Variants in SYT3 observed in about 807,000 individuals in gnomAD.
SYT3 encodes the protein synaptotagmin 3.
A neutral mutation model predicts 50.6 loss-of-function variants in SYT3; 25 were observed. That is an observed-to-expected ratio of 0.49 (90% confidence interval 0.36 to 0.69). SYT3 has a LOEUF of 0.69. Among genes scored for constraint, SYT3 ranks in the 30% least tolerant of loss-of-function variants. The pLI, the probability that SYT3 is intolerant of heterozygous loss-of-function variation, is 0.00. For synonymous variants in SYT3, 323 were observed against 353.9 expected, an observed-to-expected ratio of 0.91 and a Z score of 0.98; for missense variants, 589 against 793.6, an observed-to-expected ratio of 0.74 and a Z score of 3.10.
the SYT3 span, among the ~76,000 whole-genome samples, chr19:50,647,122 G>A: frequency 8.6e-5 from 13 of 152,020 alleles, no homozygotes; most frequent in African/African-American, 3.1e-4. Flanking sequence ...GAGCCACCGC[G>A]CCTGGCTGCG....
At position 50,632,242 on chromosome 19, in the gene SYT3, A is replaced by G. The variant is rs911127750; in HGVS notation, c.674+44T>C. On this transcript the variant is annotated intron_variant, in intron 4 of 10. Coordinates refer to ENST00000600079, the MANE Select transcript of SYT3 (RefSeq NM_001160329.2). This position sits in a 1 kb window ranked among gnomAD's most constrained non-coding sequence, Gnocchi z 4.7. ...AGATAGGAAAGAGACACAGAGGAGG[A>G]GCAGAAGTTCAGAGTGGACCCCCAA... 2 of 1,509,438 alleles carry G rather than the reference A, an allele frequency of 1.3e-6. No homozygotes were observed. The highest frequency in any genetic ancestry group is 2.8e-5 in the African/African-American group (2 of 71,796). The allele number at this position is 1,509,438 out of a possible 1,614,324, so 93.5% of individuals were successfully genotyped here. A position where few individuals can be genotyped will look rare whatever the true frequency, so the allele number is the denominator to read the frequency against.
At chr19:50,648,770 T>C in the SYT3 span, among the ~76,000 whole-genome samples, 1 of 147,460 alleles carries the variant, frequency 6.8e-6, no homozygotes, top group Non-Finnish European at 1.5e-5. Context: ...CCCACTTTCG[T>C]TGGAATCTCG....
chr19:50,642,425 G>A (rs1335432015), upstream of SYT3, among the ~76,000 whole-genome samples: 1 of 152,270 alleles, frequency 6.6e-6, no homozygotes, highest in African/African-American at 2.4e-5. Context: ...TGGGGGCAGA[G>A]CACTGGGATT....
At chr19:50,656,159 G>A in the SYT3 span, 50 of 1,535,952 alleles carry the variant, frequency 3.3e-5, no homozygotes, top group South Asian at 5.9e-5. Context: ...TCTATCTTCC[G>A]CCTCCCCAAA....
chr19:50,627,200 C>G (rs551522616), intron 6 of SYT3, among the ~76,000 whole-genome samples: 1 of 152,304 alleles, frequency 6.6e-6, no homozygotes, highest in East Asian at 1.9e-4. Flanking sequence ...CTCAGGGCAT[C>G]TGCCCAGGCT....
At position 50,637,667 on chromosome 19, in the gene SYT3, G is replaced by C. The variant is rs562538795; in HGVS notation, c.-15-241C>G. On this transcript the variant is annotated intron_variant, in intron 2 of 10. Transcript: ENST00000600079. This position sits in a 1 kb window ranked among gnomAD's most constrained non-coding sequence, Gnocchi z 4.9. Reference sequence around the variant, plus strand: ...TAGACAGACAAGAGGGCAGAAATTAGGGATGGAGATAGTAGCAGGGACTGG... The same window carrying C: ...TAGACAGACAAGAGGGCAGAAATTACGGATGGAGATAGTAGCAGGGACTGG... 5.1e-5 allele frequency: 22 copies of C among 430,782 alleles called. No individual in the cohort carries two copies. The South Asian group carries it at 7.5e-4, about 15-fold the overall frequency. The allele number at this position is 430,782 out of a possible 1,614,324, so 26.7% of individuals were successfully genotyped here. A position where few individuals can be genotyped will look rare whatever the true frequency, so the allele number is the denominator to read the frequency against.
At chr19:50,649,572 GC>G in the SYT3 span, 1 of 1,510,500 alleles carries the variant, frequency 6.6e-7, no homozygotes, top group South Asian at 1.2e-5. Flanking sequence ...GTGCGTAGTA[GC>G]CCGGGCTCAC....
chr19:50,652,769 A>C, the SYT3 span, among the ~76,000 whole-genome samples: 1 of 152,166 alleles, frequency 6.6e-6, no homozygotes, highest in South Asian at 2.1e-4. Context: ...TCAGGTCTAC[A>C]TGTCAAAATC....
Position 50,632,522 on chromosome 19 carries a change from C to T in SYT3, c.438G>A (p.Leu146=). 6.2e-7 allele frequency: 1 copy of T among 1,608,582 alleles called. No homozygotes were observed. Among genetic ancestry groups the T allele is most frequent in the Admixed American group, 1.7e-5 (1 of 59,596 alleles). ...CAGAACCCCCCAGGCTGCCTGGCTC[C>T]AGCAGCTCAGCAAAGGGTGGATGGT... ...AAHHPPFAEL[L]EPGSLGGSDT... Residue 146 remains leucine (L), a synonymous_variant, in exon 4 of 11, where the codon CTG becomes CTA. Transcript: ENST00000600079. This position sits in a 1 kb window ranked among gnomAD's most constrained non-coding sequence, Gnocchi z 4.7.
Position 50,629,853 on chromosome 19 carries a change from G to C in SYT3, c.993C>G (p.Ser331=). The C allele has an allele frequency of 6.2e-7, 1 of 1,614,128 alleles. No individual in the cohort carries two copies. Among genetic ancestry groups the C allele is most frequent in the South Asian group, 1.1e-5 (1 of 91,082 alleles). ...TGACGTAGGGGTCTGAGAAGCCGTT[G>C]GAGTCCTTGGCAGGGAGGTCCAGGG... ...LQALDLPAKD[S]NGFSDPYVKI... is the part of the protein sequence containing the mutation. Residue 331 remains serine, a synonymous_variant, in exon 5 of 11, where the codon TCC becomes TCG. Transcript: ENST00000600079.
chr19:50,655,388 T>C, the SYT3 span, among the ~76,000 whole-genome samples: 2 of 152,106 alleles, frequency 1.3e-5, no homozygotes, highest in Admixed American at 6.6e-5. Context: ...TAGTGGCTTA[T>C]GCCTGTAATC....
upstream of SYT3, among the ~76,000 whole-genome samples, chr19:50,640,929 T>C (rs1436569780): frequency 1.3e-5 from 2 of 151,952 alleles, no homozygotes; most frequent in African/African-American, 2.4e-5. Context: ...ATACAACCTC[T>C]AGGTAAAAAT....
chr19:50,653,706 AC>A, the SYT3 span, among the ~76,000 whole-genome samples: 2 of 149,570 alleles, frequency 1.3e-5, no homozygotes, highest in African/African-American at 4.9e-5. Flanking sequence ...ACACACACAC[AC>A]ACACACACAC....
At chr19:50,648,940 G>C in the SYT3 span, among the ~76,000 whole-genome samples, 3 of 151,924 alleles carry the variant, frequency 2.0e-5, no homozygotes, top group Admixed American at 6.6e-5. Flanking sequence ...GGAAGACAGA[G>C]AGAGGGTGAC....
At position 50,632,181 on chromosome 19, in the gene SYT3, C is replaced by T. The variant is rs1599817956; in HGVS notation, c.674+105G>A. On this transcript the variant is annotated intron_variant, in intron 4 of 10. Transcript: ENST00000600079. The surrounding 1 kb of genome is among the most constrained non-coding windows in gnomAD (Gnocchi z 4.7). ...CCCTAAGATCCAGGAGTCAATACCC[C>T]GATTCCCCTCCAAATCCCGAACTCA... is the stretch of plus-strand genomic sequence containing the variant. 7.0e-6 allele frequency: 9 copies of T among 1,278,792 alleles called. No individual in the cohort carries two copies. The highest frequency in any genetic ancestry group is 4.5e-5 in the African/African-American group (3 of 66,736). The allele number at this position is 1,278,792 out of a possible 1,614,324, so 79.2% of individuals were successfully genotyped here. A position where few individuals can be genotyped will look rare whatever the true frequency, so the allele number is the denominator to read the frequency against.
At chr19:50,624,591 C>T (rs569044148) in intron 9 of SYT3, among the ~76,000 whole-genome samples, 5 of 140,864 alleles carry the variant, frequency 3.5e-5, no homozygotes, top group East Asian at 4.1e-4. Flanking sequence ...CTTGCTCTGT[C>T]GCCCAGGCTG....
chr19:50,626,199 A>G, intron 6 of SYT3, 182 bp from the exon 7 acceptor site: 1 of 869,144 alleles, frequency 1.2e-6, no homozygotes, highest in Non-Finnish European at 1.7e-6. Context: ...GCTGCCCATG[A>G]CCATCAAAGC....
the SYT3 span, among the ~76,000 whole-genome samples, chr19:50,655,635 C>A: frequency 1.3e-5 from 2 of 148,992 alleles, no homozygotes; most frequent in Non-Finnish European, 3.0e-5. Context: ...GGCGACAGAA[C>A]AAGACTCTGT....
upstream of SYT3, among the ~76,000 whole-genome samples, chr19:50,640,529 A>G (rs1277087357): frequency 6.6e-6 from 1 of 152,180 alleles, no homozygotes; most frequent in African/African-American, 2.4e-5. Context: ...GTGCTTTGAA[A>G]GCGTTTTCTC....
Sources: allele counts gnomAD v4.1 joint callset (sites outside exome capture counted in the v4.1 genomes callset), GRCh38; gene constraint gnomAD v4.1.1; non-coding constraint Gnocchi (gnomAD v3.1); transcripts MANE v1.5; gene names NCBI Gene and HGNC (gene_info 2026-07-23, HGNC 2026-07-21).